The following TRPC4 variants were observed in gnomAD, a reference collection of about 807,000 sequenced individuals.
TRPC4 encodes short transient receptor potential channel 4.
In TRPC4, 49 loss-of-function variants were observed where a neutral mutation model predicts 99.4. That is an observed-to-expected ratio of 0.49 (90% confidence interval 0.39 to 0.63). The LOEUF (loss-of-function observed/expected upper bound fraction) is 0.63. Among genes scored for constraint, TRPC4 ranks in the 20% least tolerant of loss-of-function variants. The probability of loss-of-function intolerance (pLI) is 0.00; values close to 1 mark genes in which losing one functional copy is unlikely to be tolerated. For synonymous variants in TRPC4, 454 were observed against 425.9 expected (o/e 1.07, Z -0.81); for missense variants, 898 against 1,152.9 (o/e 0.78, Z 3.20).
At chr13:37,781,133 T>C (rs1956828674) in intron 2 of TRPC4, among the ~76,000 whole-genome samples, 1 of 152,062 alleles carries the variant, frequency 6.6e-6, no homozygotes, top group Non-Finnish European at 1.5e-5. Context: ...GACACAAAAT[T>C]ATTCTGGTCA....
chr13:37,692,054 G>C lies in TRPC4; in HGVS notation c.1179C>G (p.Asn393Lys). 1 of 1,613,894 alleles carries C rather than the reference G, an allele frequency of 6.2e-7. No homozygotes were observed. The highest frequency in any genetic ancestry group is 1.1e-5 in the South Asian group (1 of 91,050). ...CGATGGTTGGTGGTGGACCTTGCCT[G>C]TTCAAGTCTGACCTGTCGATGTGCT... ...ASQHIDRSDL[N>K]RQGPPPTIVE... The change falls in exon 4 of 11, where the codon AAC becomes AAG. Residue 393 changes from asparagine to lysine, a missense_variant. By Grantham distance (94) the Asn-to-Lys change is moderately conservative. This residue lies in a region of TRPC4 where 274 missense variants were observed against 454.9 expected (regional missense o/e 0.60). Coordinates refer to ENST00000379705, the MANE Select transcript of TRPC4 (RefSeq NM_016179.4).
intron 1 of TRPC4, among the ~76,000 whole-genome samples, chr13:37,834,137 C>T (rs915987442): frequency 6.6e-5 from 10 of 152,152 alleles, no homozygotes; most frequent in Admixed American, 5.2e-4. Context: ...CCAGATATTA[C>T]ATAAATTTCG....
At chr13:37,654,876 G>C (rs1488002732) in intron 7 of TRPC4, among the ~76,000 whole-genome samples, 1 of 152,146 alleles carries the variant, frequency 6.6e-6, no homozygotes, top group East Asian at 1.9e-4. Flanking sequence ...GTTTATCTTT[G>C]TAATCATGTG....
chr13:37,638,720 G>T (rs1951612418), intron 10 of TRPC4, among the ~76,000 whole-genome samples: 1 of 148,342 alleles, frequency 6.7e-6, no homozygotes, highest in South Asian at 2.1e-4. Flanking sequence ...TTGTCAGTGT[G>T]TTAGTTAGTA....
intron 2 of TRPC4, among the ~76,000 whole-genome samples, chr13:37,753,559 AAGAGAGAGAGAGAGAAAGAG>A (rs1368109667): frequency 7.6e-6 from 1 of 131,746 alleles, no homozygotes; most frequent in African/African-American, 2.9e-5. Flanking sequence ...CAGAGAAAGA[AAGAGAGAGAGAGAGAAAGAG>A]AGAGAGAGAG....
At chr13:37,759,867 A>G (rs541335285) in intron 2 of TRPC4, among the ~76,000 whole-genome samples, 1 of 134,138 alleles carries the variant, frequency 7.5e-6, no homozygotes, top group Non-Finnish European at 1.8e-5. Flanking sequence ...AATATTTCTT[A>G]TATTTATTTC....
Position 37,657,255 on chromosome 13 carries a change from C to T in TRPC4, c.1689-1972G>A, listed in dbSNP as rs558488483. ...CAGACTGTGATTCTTAAATGGAATG[C>T]TGTGCATTCTACGAGGAGGTGATCA... On this transcript the variant is annotated intron_variant, in intron 6 of 10. Transcript: ENST00000379705. Among the ~76,000 whole-genome samples the T allele has an allele frequency of 4.6e-5, 7 of 152,302 alleles. No homozygotes were observed. The South Asian group carries it at 1.4e-3, about 32-fold the overall frequency.
At chr13:37,806,820 G>A (rs1335100875) in intron 1 of TRPC4, among the ~76,000 whole-genome samples, 1 of 151,998 alleles carries the variant, frequency 6.6e-6, no homozygotes, top group Admixed American at 6.6e-5. Context: ...CATTCTACTA[G>A]TGTCACGTCC....
chr13:37,778,192 G>C (rs1399263277), intron 2 of TRPC4, among the ~76,000 whole-genome samples: 2 of 152,022 alleles, frequency 1.3e-5, no homozygotes, highest in African/African-American at 2.4e-5. Context: ...AGCCAGACCA[G>C]CATATGTCTT....
At chr13:37,855,281 A>G (rs1462995861) in intron 1 of TRPC4, among the ~76,000 whole-genome samples, 1 of 148,288 alleles carries the variant, frequency 6.7e-6, no homozygotes, top group Non-Finnish European at 1.5e-5. Context: ...CAATCCAGCA[A>G]CAGGATACAA....
intron 10 of TRPC4, among the ~76,000 whole-genome samples, chr13:37,638,727 A>G (rs1353717410): frequency 3.3e-5 from 5 of 152,200 alleles, no homozygotes; most frequent in Non-Finnish European, 7.4e-5. Flanking sequence ...TGTGTTAGTT[A>G]GTAAATGTTT....
At position 37,732,951 on chromosome 13, in the gene TRPC4, A is replaced by T. The variant is rs192325020; in HGVS notation, c.897+12986T>A. On this transcript the variant is annotated intron_variant, in intron 3 of 10. Coordinates refer to ENST00000379705, the MANE Select transcript of TRPC4 (RefSeq NM_016179.4). ...ACAAAATTAGAAAAAGCAATTGTAAAATTCATAGGAAATGAAAAACAAAAC... is the reference window on the plus strand; with the variant it reads ...ACAAAATTAGAAAAAGCAATTGTAATATTCATAGGAAATGAAAAACAAAAC... Among the ~76,000 whole-genome samples, 401 of 152,318 alleles carry T rather than the reference A, an allele frequency of 2.6e-3. 1 individual carries two copies. The highest frequency in any genetic ancestry group is 9.1e-3 in the African/African-American group (378 of 41,586).
chr13:37,770,970 A>T (rs1038260551), intron 2 of TRPC4, among the ~76,000 whole-genome samples: 14 of 151,622 alleles, frequency 9.2e-5, no homozygotes, highest in African/African-American at 2.7e-4. Context: ...ATTGATGTTG[A>T]ATTACTTTAA....
intron 3 of TRPC4, among the ~76,000 whole-genome samples, chr13:37,734,057 G>C (rs1955321901): frequency 6.6e-6 from 1 of 152,066 alleles, no homozygotes; most frequent in Non-Finnish European, 1.5e-5. Flanking sequence ...CCACGGGTTT[G>C]GAATGAGGAC....
At chr13:37,774,594 A>G (rs1956648311) in intron 2 of TRPC4, among the ~76,000 whole-genome samples, 1 of 151,620 alleles carries the variant, frequency 6.6e-6, no homozygotes, top group African/African-American at 2.4e-5. Context: ...AGATTATTTT[A>G]TTACCCATGT....
chr13:37,726,463 G>A (rs981274207), intron 3 of TRPC4, among the ~76,000 whole-genome samples: 4 of 151,810 alleles, frequency 2.6e-5, no homozygotes, highest in African/African-American at 9.7e-5. Flanking sequence ...TAATCCCCAT[G>A]GTAACCACAA....
chr13:37,636,663 T>C lies in TRPC4; in HGVS notation c.*240A>G, dbSNP rs1282821565. ...ATTGCAACAGTACAAGAATACAAGGTGCATTTATTTATTAACAAAAACAAT... is the reference window on the plus strand; with the variant it reads ...ATTGCAACAGTACAAGAATACAAGGCGCATTTATTTATTAACAAAAACAAT... On this transcript the variant is annotated 3_prime_UTR_variant, in exon 11 of 11. Coordinates refer to ENST00000379705, the MANE Select transcript of TRPC4 (RefSeq NM_016179.4). 1 of 399,022 alleles carries C rather than the reference T, an allele frequency of 2.5e-6. No individual in the cohort carries two copies. The highest frequency in any genetic ancestry group is 2.1e-5 in the African/African-American group (1 of 48,722). 24.7% of individuals were successfully genotyped at this position (399,022 alleles called of 1,614,324 possible).
intron 1 of TRPC4, among the ~76,000 whole-genome samples, chr13:37,801,300 G>A (rs1176608122): frequency 6.6e-6 from 1 of 152,072 alleles, no homozygotes; most frequent in Non-Finnish European, 1.5e-5. Flanking sequence ...TTGAAAGACA[G>A]TGTAACATTA....
chr13:37,691,481 A>G (rs964574236), intron 4 of TRPC4, among the ~76,000 whole-genome samples: 2 of 152,208 alleles, frequency 1.3e-5, no homozygotes, highest in Non-Finnish European at 2.9e-5. Flanking sequence ...ACAACTTTCT[A>G]TGACAAGAAC....
Sources: allele counts gnomAD v4.1 joint callset (sites outside exome capture counted in the v4.1 genomes callset), GRCh38; gene constraint gnomAD v4.1.1; regional missense constraint gnomAD v4.1.1; transcripts MANE v1.5; gene names NCBI Gene and HGNC (gene_info 2026-07-23, HGNC 2026-07-21).